PKIG: variants seen among roughly 807,000 people sequenced by gnomAD.
The protein encoded by PKIG is cAMP-dependent protein kinase inhibitor gamma, also known as protein kinase (cAMP-dependent, catalytic) inhibitor gamma.
PKIG carries 1 observed loss-of-function variant against 6.8 expected under a neutral mutation model. That is an observed-to-expected ratio of 0.15 (90% confidence interval 0.05 to 0.69). The LOEUF (loss-of-function observed/expected upper bound fraction) is 0.69. Ranked by LOEUF, PKIG falls within the 30% of genes least tolerant of loss-of-function variation. The pLI, the probability that PKIG is intolerant of heterozygous loss-of-function variation, is 0.82. For missense variants in PKIG, 77 were observed against 104.0 expected (o/e 0.74, Z 1.13); for synonymous variants, 39 against 43.0 (o/e 0.91, Z 0.36).
chr20:44,571,024 A>C (rs374045064), intron 1 of PKIG, among the ~76,000 whole-genome samples: 10 of 152,260 alleles, frequency 6.6e-5, no homozygotes, highest in East Asian at 1.9e-4. Context: ...ACTTGAAGCC[A>C]GGAGTTCGAG....
chr20:44,569,639 T>C (rs1243962923), intron 1 of PKIG, among the ~76,000 whole-genome samples: 1 of 152,190 alleles, frequency 6.6e-6, no homozygotes, highest in African/African-American at 2.4e-5. Flanking sequence ...GGAGTTTTAC[T>C]CTTGTTGCCC....
At chr20:44,562,880 G>A (rs1172818858) in intron 1 of PKIG, among the ~76,000 whole-genome samples, 2 of 152,114 alleles carry the variant, frequency 1.3e-5, no homozygotes, top group African/African-American at 2.4e-5. Context: ...CCAACATGGC[G>A]AAACCCCATC....
At chr20:44,560,249 CTAAATAAATAAATAAA>C (rs56359005) in intron 1 of PKIG, among the ~76,000 whole-genome samples, 1 of 149,162 alleles carries the variant, frequency 6.7e-6, no homozygotes, top group African/African-American at 2.5e-5. Flanking sequence ...GACCTTGTCT[CTAAATAAATAAATAAA>C]TAAATAAATA....
chr20:44,613,204 C>T (rs1252449845), intron 2 of PKIG, among the ~76,000 whole-genome samples: 1 of 152,152 alleles, frequency 6.6e-6, no homozygotes, highest in African/African-American at 2.4e-5. Context: ...CTCGCTTTGT[C>T]GCCCAGGCTG....
intron 1 of PKIG, among the ~76,000 whole-genome samples, chr20:44,550,631 T>C (rs539128137): frequency 3.3e-5 from 5 of 152,208 alleles, no homozygotes; most frequent in Non-Finnish European, 5.9e-5. Context: ...GGCGTTTTTG[T>C]GCTAAAGCTT....
At chr20:44,582,306 C>T (rs2064955185), upstream of PKIG, among the ~76,000 whole-genome samples, 1 of 152,120 alleles carries the variant, frequency 6.6e-6, no homozygotes, top group African/African-American at 2.4e-5. Context: ...GGAACCCTGG[C>T]TCAGTGAGTG....
At chr20:44,554,882 A>G (rs2064699878) in intron 1 of PKIG, among the ~76,000 whole-genome samples, 1 of 152,166 alleles carries the variant, frequency 6.6e-6, no homozygotes, top group Non-Finnish European at 1.5e-5. Flanking sequence ...ACTCGATAAG[A>G]TACAGGAAAA....
In PKIG at chr20:44,599,243, A is replaced by G. The variant is rs921098189; in HGVS notation, c.-24+9377A>G. Among the ~76,000 whole-genome samples, 6 of 152,318 alleles carry G rather than the reference A, an allele frequency of 3.9e-5. No homozygotes were observed. In the East Asian group the frequency reaches 1.2e-3, roughly 29 times the overall value. On this transcript the variant is annotated intron_variant, in intron 2 of 3. Transcript: ENST00000372886. Reference sequence around the variant, plus strand: ...TAAATCCATACTACATGCCAGGCATAATACTAATTCACTCCCCTGCTTTAT... The same window carrying G: ...TAAATCCATACTACATGCCAGGCATGATACTAATTCACTCCCCTGCTTTAT...
intron 1 of PKIG, among the ~76,000 whole-genome samples, chr20:44,541,928 A>C (rs2064565464): frequency 6.6e-6 from 1 of 152,038 alleles, no homozygotes; most frequent in South Asian, 2.1e-4. Flanking sequence ...ACCTCAAATG[A>C]TCCACCCCCC....
chr20:44,545,899 T>G (rs1471861473), intron 1 of PKIG, among the ~76,000 whole-genome samples: 1 of 151,998 alleles, frequency 6.6e-6, no homozygotes, highest in African/African-American at 2.4e-5. Context: ...AAATCATAGA[T>G]GTACATCATG....
At chr20:44,610,153 A>G (rs913535531) in intron 2 of PKIG, among the ~76,000 whole-genome samples, 9 of 152,294 alleles carry the variant, frequency 5.9e-5, no homozygotes, top group Admixed American at 3.9e-4. Flanking sequence ...CTAGGAAGAT[A>G]GGCAGGGTGC....
intron 1 of PKIG, among the ~76,000 whole-genome samples, chr20:44,537,486 G>A (rs546110133): frequency 2.6e-5 from 4 of 151,378 alleles, no homozygotes; most frequent in South Asian, 2.1e-4. Context: ...TGCCTGCCTC[G>A]GCCTCCCAAA....
rs187231300 is a variant in PKIG, at chr20:44,552,985, C to A, written c.-241+21007C>A. ...TTTGGAACCACTTATATAATGTATA[C>A]CACCTGTTATTTGTGTATTTTTAGA... On this transcript the variant is annotated intron_variant, in intron 1 of 4. Coordinates refer to the PKIG transcript ENST00000372887. Among the ~76,000 whole-genome samples, 5 of 152,130 alleles carry A rather than the reference C, an allele frequency of 3.3e-5. No homozygotes were observed. In the East Asian group the frequency reaches 7.7e-4, roughly 23 times the overall value.
At position 44,614,411 on chromosome 20, in the gene PKIG, T is replaced by A. The variant is rs567808362; in HGVS notation, c.-23-123T>A. 5 of 691,768 alleles carry A rather than the reference T, an allele frequency of 7.2e-6. No homozygotes were observed. The South Asian group carries it at 7.7e-5, about 11-fold the overall frequency. The allele number at this position is 691,768 out of a possible 1,614,324, so 42.9% of individuals were successfully genotyped here. ...TTGTACTTTTCTGTGCTTTTTGCTT[T>A]GTTTTCAATAAGAGGCAATAACTGT... is the stretch of plus-strand genomic sequence containing the variant. On this transcript the variant is annotated intron_variant, in intron 2 of 3. Coordinates refer to ENST00000372886, the MANE Select transcript of PKIG (RefSeq NM_001281445.2). The surrounding 1 kb of genome is among the most constrained non-coding windows in gnomAD (Gnocchi z 4.6).
intron 2 of PKIG, among the ~76,000 whole-genome samples, chr20:44,594,687 G>T (rs1054243239): frequency 6.6e-6 from 1 of 152,046 alleles, no homozygotes; most frequent in Non-Finnish European, 1.5e-5. Flanking sequence ...CCCCTCTTCG[G>T]CTCTGTCTCC....
At chr20:44,564,538 A>T (rs2064794494) in intron 1 of PKIG, among the ~76,000 whole-genome samples, 1 of 151,672 alleles carries the variant, frequency 6.6e-6, no homozygotes, top group African/African-American at 2.4e-5. Flanking sequence ...CTAAATTGTG[A>T]TATAGTGTTG....
At chr20:44,536,990 C>T (rs928810870) in intron 1 of PKIG, among the ~76,000 whole-genome samples, 2 of 152,070 alleles carry the variant, frequency 1.3e-5, no homozygotes, top group African/African-American at 2.4e-5. Flanking sequence ...AGTGCAATGG[C>T]ACCATCTCAG....
intron 2 of PKIG, among the ~76,000 whole-genome samples, chr20:44,597,000 GCTC>G (rs1335239889): frequency 6.6e-6 from 1 of 152,016 alleles, no homozygotes; most frequent in Admixed American, 6.6e-5. Flanking sequence ...TGGGCAGCAG[GCTC>G]CCCTTGCCTC....
chr20:44,542,678 C>T (rs768690961), intron 1 of PKIG, among the ~76,000 whole-genome samples: 1 of 152,018 alleles, frequency 6.6e-6, no homozygotes, highest in Non-Finnish European at 1.5e-5. Flanking sequence ...CCTCAGCCTC[C>T]GCCTCCTGGG....
Sources: gnomAD v4.1 joint callset for allele counts (sites outside exome capture counted in the v4.1 genomes callset) on GRCh38, gnomAD v4.1.1 for gene constraint, Gnocchi (gnomAD v3.1) non-coding constraint, MANE v1.5 for transcripts, NCBI Gene and HGNC (gene_info 2026-07-23, HGNC 2026-07-21) for gene names.